Variants in CNIH3 observed in about 807,000 individuals in gnomAD.
CNIH3 encodes the protein protein cornichon homolog 3.
Under a neutral mutation model 24.1 loss-of-function variants are expected in CNIH3, and 14 were observed. The ratio of observed to expected loss-of-function variants is 0.58; its 90% CI spans 0.38 to 0.91. The LOEUF is 0.91. Ranked by LOEUF, CNIH3 falls within the 40% of genes least tolerant of loss-of-function variation. The pLI is 0.00. For missense variants in CNIH3, 178 were observed against 196.8 expected (o/e 0.90, Z 0.57); for synonymous variants, 68 against 73.8 (o/e 0.92, Z 0.40).
At chr1:224,487,156 C>G (rs1255509789) in intron 1 of CNIH3, among the ~76,000 whole-genome samples, 1 of 152,198 alleles carries the variant, frequency 6.6e-6, no homozygotes, top group Non-Finnish European at 1.5e-5. Flanking sequence ...ATTTATGATT[C>G]CAGGCATATA....
At chr1:224,637,436 C>G (rs1400036349) in intron 1 of CNIH3, among the ~76,000 whole-genome samples, 2 of 128,014 alleles carry the variant, frequency 1.6e-5, no homozygotes, top group Non-Finnish European at 3.2e-5. Flanking sequence ...TACTGCCAAA[C>G]AAGGGGCAAA....
chr1:224,629,592 T>C (rs941728952), intron 1 of CNIH3, among the ~76,000 whole-genome samples: 2 of 152,180 alleles, frequency 1.3e-5, no homozygotes, highest in Non-Finnish European at 2.9e-5. Context: ...TGGATAATGC[T>C]GCTGTGAATG....
chr1:224,473,106 A>T (rs1676432033), intron 1 of CNIH3, among the ~76,000 whole-genome samples: 1 of 152,200 alleles, frequency 6.6e-6, no homozygotes, highest in African/African-American at 2.4e-5. Context: ...TATTTAAAAA[A>T]ATAAATAAAA....
intron 1 of CNIH3, among the ~76,000 whole-genome samples, chr1:224,670,109 G>C (rs1457747397): frequency 6.6e-6 from 1 of 152,182 alleles, no homozygotes; most frequent in Admixed American, 6.5e-5. Context: ...CAAGCTCCAG[G>C]TCACAGAGCT....
chr1:224,640,138 C>G (rs1684286396), intron 1 of CNIH3, among the ~76,000 whole-genome samples: 1 of 152,210 alleles, frequency 6.6e-6, no homozygotes, highest in South Asian at 2.1e-4. Context: ...TGAGGTTTTA[C>G]TGTGCTGGGC....
At chr1:224,527,596 C>A (rs188140964) in intron 2 of CNIH3, among the ~76,000 whole-genome samples, 1 of 151,936 alleles carries the variant, frequency 6.6e-6, no homozygotes, top group Non-Finnish European at 1.5e-5. Flanking sequence ...TAAAACCCTA[C>A]GATGGAATCT....
intron 1 of CNIH3, among the ~76,000 whole-genome samples, chr1:224,619,040 C>T (rs558900918): frequency 1.3e-5 from 2 of 152,340 alleles, no homozygotes; most frequent in East Asian, 3.9e-4. Context: ...AGAAGGCCAA[C>T]TACTCCCTTT....
chr1:224,634,812 G>A (rs978261570), intron 1 of CNIH3, among the ~76,000 whole-genome samples: 2 of 152,038 alleles, frequency 1.3e-5, no homozygotes, highest in African/African-American at 2.4e-5. Flanking sequence ...TCAATTTCAC[G>A]TCCCCGATTC....
At chr1:224,552,525 A>G (rs970088225) in intron 3 of CNIH3, among the ~76,000 whole-genome samples, 1 of 151,524 alleles carries the variant, frequency 6.6e-6, no homozygotes, top group Non-Finnish European at 1.5e-5. Flanking sequence ...TATCTCCCTT[A>G]GATATTAGGA....
chr1:224,617,631 A>G (rs1007633385), intron 1 of CNIH3, among the ~76,000 whole-genome samples: 3 of 152,374 alleles, frequency 2.0e-5, no homozygotes, highest in African/African-American at 4.8e-5. Context: ...TCAAGTAGCT[A>G]TAATAACTAA....
chr1:224,682,403 G>T (rs1421263373), intron 2 of CNIH3, among the ~76,000 whole-genome samples: 1 of 152,122 alleles, frequency 6.6e-6, no homozygotes, highest in Admixed American at 6.5e-5. Flanking sequence ...ACCCTGTGTT[G>T]CCTCTTTAAG....
downstream of CNIH3, among the ~76,000 whole-genome samples, chr1:224,592,823 T>G (rs1205040401): frequency 6.6e-6 from 1 of 152,184 alleles, no homozygotes; most frequent in Non-Finnish European, 1.5e-5. Context: ...CTGACAGACA[T>G]CTGCTTCTTA....
intron 1 of CNIH3, among the ~76,000 whole-genome samples, chr1:224,465,908 A>T (rs1474654086): frequency 6.6e-6 from 1 of 152,128 alleles, no homozygotes; most frequent in Non-Finnish European, 1.5e-5. Flanking sequence ...GGCACCTGTA[A>T]TCTCAGCTAC....
At chr1:224,598,602 G>T (rs528502633) in intron 3 of CNIH3, among the ~76,000 whole-genome samples, 11 of 152,226 alleles carry the variant, frequency 7.2e-5, no homozygotes, top group Admixed American at 7.2e-4. Flanking sequence ...CTTCATTGTT[G>T]TCTTATTTTA....
intron 1 of CNIH3, chr1:224,661,321 G>T: frequency 3.4e-6 from 1 of 294,336 alleles, no homozygotes; most frequent in South Asian, 4.1e-5. Flanking sequence ...AGTAGAAGTT[G>T]ATACACATTT....
chr1:224,477,816 G>A (rs1216526364), intron 1 of CNIH3, among the ~76,000 whole-genome samples: 1 of 152,190 alleles, frequency 6.6e-6, no homozygotes, highest in African/African-American at 2.4e-5. Context: ...TCAGGCTGCA[G>A]AACTCCCTTT....
At chr1:224,655,465 A>G (rs1338702472) in intron 1 of CNIH3, among the ~76,000 whole-genome samples, 3 of 152,122 alleles carry the variant, frequency 2.0e-5, no homozygotes, top group Non-Finnish European at 4.4e-5. Context: ...CTGAAGGAAA[A>G]TGGACATGCA....
intron 1 of CNIH3, among the ~76,000 whole-genome samples, chr1:224,662,069 T>A (rs1040306912): frequency 6.6e-6 from 1 of 152,240 alleles, no homozygotes; most frequent in Non-Finnish European, 1.5e-5. Context: ...GAACTGTCTA[T>A]CAGATGTTAG....
At chr1:224,565,276 G>C (rs377064561) in intron 3 of CNIH3, 44 of 152,318 alleles carry the variant, frequency 2.9e-4, no homozygotes, top group African/African-American at 9.9e-4. Context: ...TATACTCTGA[G>C]TCACTGTCCT....
Sources: gnomAD v4.1 joint callset for allele counts (sites outside exome capture counted in the v4.1 genomes callset) on GRCh38, gnomAD v4.1.1 for gene constraint, MANE v1.5 for transcripts, NCBI Gene and HGNC (gene_info 2026-07-23, HGNC 2026-07-21) for gene names.